RIMOC1: variants seen among roughly 807,000 people sequenced by gnomAD.
RIMOC1 encodes RAB7A interacting MON1-CCZ1 complex subunit 1, also known as RAB7A-interacting MON1-CCZ1 complex subunit 1.
At chr5:41,907,774 T>C in the RIMOC1 span, 4 of 1,609,712 alleles carry the variant, frequency 2.5e-6, no homozygotes, top group Non-Finnish European at 3.4e-6. Context: ...ATTAGAAAAA[T>C]TGAAACTCCT....
At chr5:41,913,178 C>G in the RIMOC1 span, among the ~76,000 whole-genome samples, 3 of 152,172 alleles carry the variant, frequency 2.0e-5, no homozygotes, top group Non-Finnish European at 4.4e-5. Flanking sequence ...CAAGTCTGTT[C>G]CTTTAGACCA....
chr5:41,907,719 G>A, the RIMOC1 span: 2 of 1,530,548 alleles, frequency 1.3e-6, no homozygotes, highest in Admixed American at 3.7e-5. Context: ...TAATCCTCAT[G>A]TTTTTATTTC....
chr5:41,905,554 G>C, the RIMOC1 span, among the ~76,000 whole-genome samples: 1 of 152,362 alleles, frequency 6.6e-6, no homozygotes, highest in Non-Finnish European at 1.5e-5. Flanking sequence ...ACAGGCGTGA[G>C]CCACTGTGCC....
chr5:41,909,371 T>A, the RIMOC1 span, among the ~76,000 whole-genome samples: 4 of 152,242 alleles, frequency 2.6e-5, no homozygotes, highest in African/African-American at 9.6e-5. Flanking sequence ...CTGGAAGTAG[T>A]GACCTTAACT....
the RIMOC1 span, chr5:41,919,357 T>A: frequency 6.6e-6 from 1 of 152,194 alleles, no homozygotes; most frequent in Non-Finnish European, 1.5e-5. Context: ...CCAGTGTTGC[T>A]CAAACAGTTA....
the RIMOC1 span, among the ~76,000 whole-genome samples, chr5:41,915,032 G>A: frequency 6.6e-6 from 1 of 152,030 alleles, no homozygotes; most frequent in Admixed American, 6.5e-5. Context: ...ACTCAAAACT[G>A]TGTATGGTTT....
the RIMOC1 span, chr5:41,911,947 G>T: frequency 4.4e-6 from 3 of 680,994 alleles, no homozygotes; most frequent in Non-Finnish European, 7.8e-6. Flanking sequence ...TAGAATAGCT[G>T]TAAGCTATGC....
the RIMOC1 span, chr5:41,917,147 A>G: frequency 1.1e-5 from 18 of 1,613,792 alleles, no homozygotes; most frequent in African/African-American, 2.7e-5. Context: ...AGCGGGCTGC[A>G]CTACATACAA....
At chr5:41,916,921 A>G in the RIMOC1 span, 5 of 1,114,292 alleles carry the variant, frequency 4.5e-6, no homozygotes, top group Non-Finnish European at 6.2e-6. Flanking sequence ...GAAAATGCTT[A>G]ATGACAAAAG....
At chr5:41,910,955 A>C in the RIMOC1 span, 3 of 1,423,530 alleles carry the variant, frequency 2.1e-6, no homozygotes, top group African/African-American at 4.4e-5. Context: ...TGACTTGAGA[A>C]TGTTTTTAAT....
chr5:41,918,106 A>G, the RIMOC1 span: 2 of 985,542 alleles, frequency 2.0e-6, no homozygotes, highest in East Asian at 1.1e-4. Flanking sequence ...GCCTAACTTG[A>G]TATCTTGCTC....
the RIMOC1 span, chr5:41,904,412 C>A: frequency 3.7e-6 from 6 of 1,613,914 alleles, no homozygotes; most frequent in Non-Finnish European, 5.1e-6. Flanking sequence ...TGGAAGAGCT[C>A]GGGGATCTGG....
chr5:41,909,423 G>A, the RIMOC1 span, among the ~76,000 whole-genome samples: 6 of 151,990 alleles, frequency 3.9e-5, no homozygotes, highest in African/African-American at 1.4e-4. Flanking sequence ...GGTTATATAA[G>A]TAGTAGAATA....
chr5:41,911,113 T>C, the RIMOC1 span: 2 of 1,610,780 alleles, frequency 1.2e-6, no homozygotes, highest in Admixed American at 3.4e-5. Flanking sequence ...CCCTGCTGTA[T>C]ATGTATTGTC....
the RIMOC1 span, among the ~76,000 whole-genome samples, chr5:41,910,534 A>T: frequency 2.0e-5 from 3 of 151,478 alleles, no homozygotes; most frequent in South Asian, 6.3e-4. Context: ...CTCATCTTTA[A>T]CTGCCTGCTG....
chr5:41,914,496 AAAAC>A, the RIMOC1 span, among the ~76,000 whole-genome samples: 2 of 143,684 alleles, frequency 1.4e-5, no homozygotes, highest in African/African-American at 5.3e-5. Flanking sequence ...AAAACAAAAC[AAAAC>A]AAACATAAGT....
chr5:41,918,073 G>A, the RIMOC1 span: 2 of 984,680 alleles, frequency 2.0e-6, no homozygotes, highest in African/African-American at 1.8e-5. Flanking sequence ...TTAATAATAG[G>A]GGTGAGTGTT....
At chr5:41,920,971 A>G in the RIMOC1 span, 535 of 152,664 alleles carry the variant, frequency 3.5e-3, 2 homozygotes, top group Non-Finnish European at 5.7e-3. Flanking sequence ...TTAAATGTGT[A>G]TGGCTCTTTC....
At chr5:41,912,116 A>G in the RIMOC1 span, 116 of 1,612,436 alleles carry the variant, frequency 7.2e-5, no homozygotes, top group Non-Finnish European at 7.1e-5. Context: ...TAAATTATCG[A>G]TGTCCTATCC....
Sources: gnomAD v4.1 joint callset for allele counts (sites outside exome capture counted in the v4.1 genomes callset) on GRCh38, gnomAD v4.1.1 for gene constraint, MANE v1.5 for transcripts, NCBI Gene and HGNC (gene_info 2026-07-23, HGNC 2026-07-21) for gene names.